ASS1: variants seen among roughly 807,000 people sequenced by gnomAD.
The protein encoded by ASS1 is argininosuccinate synthase.
In ASS1, 58 loss-of-function variants were observed where a neutral mutation model predicts 60.5. The ratio of observed to expected loss-of-function variants is 0.96; its 90% CI spans 0.78 to 1.19. ASS1 has a LOEUF of 1.19. ASS1 is among the 50% of genes most tolerant of loss of function. The pLI, the probability that ASS1 is intolerant of heterozygous loss-of-function variation, is 0.00. For synonymous variants in ASS1, 200 were observed against 206.9 expected (o/e 0.97, Z 0.29); for missense variants, 454 against 547.3 (o/e 0.83, Z 1.70).
intron 1 of ASS1, among the ~76,000 whole-genome samples, chr9:130,451,066 T>C (rs1010376831): frequency 6.6e-6 from 1 of 152,150 alleles, no homozygotes; most frequent in Admixed American, 6.5e-5. Context: ...CCTGGTTTCC[T>C]GTTCAGCAAA....
Position 130,476,003 on chromosome 9 carries a change from C to G in ASS1, c.598-868C>G, listed in dbSNP as rs1846007462. Among the ~76,000 whole-genome samples, 1 of 152,160 alleles carries G rather than the reference C, an allele frequency of 6.6e-6. No homozygotes were observed. The highest frequency in any genetic ancestry group is 2.1e-4 in the South Asian group (1 of 4,826). ...CGAACTCCTGAGCTCAGGCAGTCCA[C>G]CCACCTCAGCCTCCCAAAGTGCTAG... On this transcript the variant is annotated intron_variant, in intron 8 of 14. Coordinates refer to ENST00000352480, the MANE Select transcript of ASS1 (RefSeq NM_054012.4). The surrounding 1 kb of genome is among the most constrained non-coding windows in gnomAD (Gnocchi z 4.9).
At chr9:130,463,458 G>C (rs1046490681) in intron 4 of ASS1, among the ~76,000 whole-genome samples, 1 of 152,214 alleles carries the variant, frequency 6.6e-6, no homozygotes, top group Admixed American at 6.5e-5. Flanking sequence ...CGAGGGGGTG[G>C]CTGTGGTGCT....
At chr9:130,468,356 C>T (rs1049529004) in intron 6 of ASS1, among the ~76,000 whole-genome samples, 4 of 152,136 alleles carry the variant, frequency 2.6e-5, no homozygotes, top group Non-Finnish European at 4.4e-5. Context: ...CCCAACCCAT[C>T]GTCCAACGGA....
At chr9:130,487,543 C>T (rs1203382053) in intron 11 of ASS1, among the ~76,000 whole-genome samples, 10 of 151,682 alleles carry the variant, frequency 6.6e-5, no homozygotes, top group Admixed American at 5.3e-4. Flanking sequence ...ACCTCCAGAA[C>T]ATTTTCTTTT....
intron 1 of ASS1, 100 bp from the exon 2 acceptor site, chr9:130,452,124 G>T: frequency 1.0e-6 from 1 of 1,002,942 alleles, no homozygotes. Context: ...CAGGAGACAA[G>T]GCTGTCCAAG....
At chr9:130,492,282 G>A (rs1399823148) in intron 12 of ASS1, among the ~76,000 whole-genome samples, 4 of 152,206 alleles carry the variant, frequency 2.6e-5, no homozygotes, top group African/African-American at 9.6e-5. Flanking sequence ...GCACCAGGCT[G>A]AGGGCACGCC....
At chr9:130,500,189 C>T (rs773955104) in intron 14 of ASS1, among the ~76,000 whole-genome samples, 1 of 152,198 alleles carries the variant, frequency 6.6e-6, no homozygotes, top group Non-Finnish European at 1.5e-5. Context: ...CAGCAGCAAG[C>T]ACACTCAGCC....
intron 11 of ASS1, among the ~76,000 whole-genome samples, chr9:130,480,833 G>A (rs1336001623): frequency 6.6e-6 from 1 of 152,212 alleles, no homozygotes; most frequent in Non-Finnish European, 1.5e-5. Context: ...CATGGAGGCC[G>A]CCGGCCAGGC....
intron 1 of ASS1, among the ~76,000 whole-genome samples, chr9:130,447,673 G>A (rs1170515111): frequency 6.6e-6 from 1 of 152,222 alleles, no homozygotes; most frequent in Non-Finnish European, 1.5e-5. Context: ...ATGTGGTGGG[G>A]GTGGAGCTGG....
intron 14 of ASS1, among the ~76,000 whole-genome samples, chr9:130,500,439 T>A (rs1846721708): frequency 6.6e-6 from 1 of 152,144 alleles, no homozygotes; most frequent in Non-Finnish European, 1.5e-5. Flanking sequence ...TCCCTTCTCA[T>A]GGGGATTGGA....
At position 130,476,426 on chromosome 9, in the gene ASS1, G is replaced by A; in HGVS notation, c.598-445G>A. 4.7e-6 allele frequency: 1 copy of A among 213,354 alleles called. No homozygotes were observed. The highest frequency in any genetic ancestry group is 9.4e-6 in the Non-Finnish European group (1 of 106,590). The allele number at this position is 213,354 out of a possible 1,614,324, so 13.2% of individuals were successfully genotyped here. A position where few individuals can be genotyped will look rare whatever the true frequency, so the allele number is the denominator to read the frequency against. On this transcript the variant is annotated intron_variant, in intron 8 of 14. Coordinates refer to ENST00000352480, the MANE Select transcript of ASS1 (RefSeq NM_054012.4). The surrounding 1 kb of genome is among the most constrained non-coding windows in gnomAD (Gnocchi z 4.9). Reference sequence around the variant, plus strand: ...CCTTGGGGACCCTGGGGACGGCTCGGCTTGCCAGAGCACCTGCTGGGGTCA... The same window carrying A: ...CCTTGGGGACCCTGGGGACGGCTCGACTTGCCAGAGCACCTGCTGGGGTCA...
chr9:130,451,625 G>C (rs1352797354), intron 1 of ASS1: 6 of 354,838 alleles, frequency 1.7e-5, no homozygotes, highest in Non-Finnish European at 3.3e-5. Flanking sequence ...CTGCGTGCTG[G>C]GGAAGCACAG....
intron 8 of ASS1, among the ~76,000 whole-genome samples, chr9:130,475,998 G>C (rs2118828981): frequency 1.3e-5 from 2 of 152,228 alleles, no homozygotes; most frequent in Middle Eastern, 3.4e-3. Context: ...AGCTCAGGCA[G>C]TCCACCCACC....
chr9:130,492,327 G>A (rs1846469672), intron 12 of ASS1, among the ~76,000 whole-genome samples: 2 of 152,190 alleles, frequency 1.3e-5, no homozygotes, highest in African/African-American at 2.4e-5. Context: ...GCTCCTGGGT[G>A]GAAAGCCCAC....
intron 11 of ASS1, 106 bp downstream of exon 11, chr9:130,480,555 C>A: frequency 8.0e-7 from 1 of 1,244,606 alleles, no homozygotes; most frequent in Non-Finnish European, 1.1e-6. Flanking sequence ...GCTCCGTGGG[C>A]GACCTTGGGC....
At chr9:130,473,053 G>A (rs1430287057) in intron 8 of ASS1, among the ~76,000 whole-genome samples, 2 of 152,156 alleles carry the variant, frequency 1.3e-5, no homozygotes, top group African/African-American at 2.4e-5. Flanking sequence ...CAGGTCCTGC[G>A]CCCTCCCAGG....
chr9:130,464,917 C>T (rs955653319), intron 5 of ASS1, among the ~76,000 whole-genome samples: 5 of 151,612 alleles, frequency 3.3e-5, no homozygotes, highest in African/African-American at 1.2e-4. Flanking sequence ...AGGGCAGGGC[C>T]GAGCAGTGGG....
intron 5 of ASS1, among the ~76,000 whole-genome samples, chr9:130,466,102 C>T (rs1024226501): frequency 6.6e-6 from 1 of 152,178 alleles, no homozygotes; most frequent in Admixed American, 6.5e-5. Flanking sequence ...AATGACATCT[C>T]CACCCCCACA....
At position 130,494,278 on chromosome 9, in the gene ASS1, G is replaced by C. The variant is rs1267398031; in HGVS notation, c.971-589G>C. Among the ~76,000 whole-genome samples the C allele has an allele frequency of 6.6e-6, 1 of 152,232 alleles. No individual in the cohort carries two copies. Among genetic ancestry groups the C allele is most frequent in the African/African-American group, 2.4e-5 (1 of 41,458 alleles). ...CTGGCCAGGACTCCAGTTCACAGTA[G>C]CCCCTAAGGCTGGTGCTGCTCAGTG... On this transcript the variant is annotated intron_variant, in intron 12 of 14. Coordinates refer to ENST00000352480, the MANE Select transcript of ASS1 (RefSeq NM_054012.4). This position sits in a 1 kb window ranked among gnomAD's most constrained non-coding sequence, Gnocchi z 4.3.
Sources: gnomAD v4.1 joint callset for allele counts (sites outside exome capture counted in the v4.1 genomes callset) on GRCh38, gnomAD v4.1.1 for gene constraint, Gnocchi (gnomAD v3.1) non-coding constraint, MANE v1.5 for transcripts, NCBI Gene and HGNC (gene_info 2026-07-23, HGNC 2026-07-21) for gene names.